ANO3: variants seen among roughly 807,000 people sequenced by gnomAD.
The protein encoded by ANO3 is anoctamin-3.
A neutral mutation model predicts 144.8 loss-of-function variants in ANO3; 99 were observed. The ratio of observed to expected loss-of-function variants is 0.68; its 90% CI spans 0.58 to 0.81. The LOEUF (loss-of-function observed/expected upper bound fraction) is 0.81, where lower values mean the gene tolerates loss of function less well. Ranked by LOEUF, ANO3 falls within the 30% of genes least tolerant of loss-of-function variation. The probability of loss-of-function intolerance (pLI) is 0.00; values close to 1 mark genes in which losing one functional copy is unlikely to be tolerated. For synonymous variants in ANO3, 414 were observed against 392.6 expected (o/e 1.05, Z -0.64); for missense variants, 905 against 1,202.2 (o/e 0.75, Z 3.66).
intron 3 of ANO3, among the ~76,000 whole-genome samples, chr11:26,449,959 T>C (rs1018440846): frequency 6.6e-6 from 1 of 152,062 alleles, no homozygotes; most frequent in Non-Finnish European, 1.5e-5. Flanking sequence ...TTTTACCATG[T>C]TGGGCAGGCT....
chr11:26,524,259 G>T (rs1849106337), intron 6 of ANO3, among the ~76,000 whole-genome samples: 1 of 152,070 alleles, frequency 6.6e-6, no homozygotes, highest in Non-Finnish European at 1.5e-5. Flanking sequence ...AAATAGAGAA[G>T]TATTTAAAGT....
At chr11:26,318,517 T>G (rs1167932292) in intron 1 of ANO3, among the ~76,000 whole-genome samples, 1 of 152,182 alleles carries the variant, frequency 6.6e-6, no homozygotes, top group Admixed American at 6.5e-5. Flanking sequence ...AAACTTAGAA[T>G]AGGACTAATC....
chr11:26,296,907 T>G (rs11029500), intron 1 of ANO3, among the ~76,000 whole-genome samples: 12,930 of 152,170 alleles, frequency 0.085, 1,147 homozygotes, highest in African/African-American at 0.23. Context: ...CACTTCTAGA[T>G]ATCATCCAGA....
chr11:26,571,159 T>C (rs1850809187), intron 14 of ANO3, among the ~76,000 whole-genome samples: 1 of 152,010 alleles, frequency 6.6e-6, no homozygotes, highest in African/African-American at 2.4e-5. Context: ...AACTAATTAG[T>C]GATGAGTGTC....
chr11:26,549,578 A>G (rs937599823), intron 12 of ANO3, among the ~76,000 whole-genome samples: 5 of 151,986 alleles, frequency 3.3e-5, no homozygotes, highest in Non-Finnish European at 7.4e-5. Context: ...TGTCCAACTA[A>G]ATTAAGATCA....
chr11:26,581,534 C>T (rs998415029), intron 14 of ANO3, among the ~76,000 whole-genome samples: 1 of 151,478 alleles, frequency 6.6e-6, no homozygotes, highest in African/African-American at 2.4e-5. Context: ...ACTAAAAATA[C>T]AAAAATTAGC....
intron 1 of ANO3, among the ~76,000 whole-genome samples, chr11:26,256,112 T>C (rs748110565): frequency 3.9e-5 from 6 of 152,166 alleles, no homozygotes; most frequent in Admixed American, 3.9e-4. Context: ...AAACAAATCA[T>C]TGGCTACATT....
chr11:26,498,869 A>G (rs10834983), intron 4 of ANO3, among the ~76,000 whole-genome samples: 90,288 of 151,090 alleles, frequency 0.6, 27,621 homozygotes, highest in Middle Eastern at 0.68. Context: ...GATCATTTTT[A>G]TATCTTTAAG....
intron 18 of ANO3, among the ~76,000 whole-genome samples, chr11:26,629,196 C>T (rs1427393177): frequency 1.3e-5 from 2 of 152,118 alleles, no homozygotes; most frequent in African/African-American, 4.8e-5. Flanking sequence ...GGTAAAGCAA[C>T]TGAATAGCAC....
At chr11:26,270,550 T>C (rs1474747243) in intron 1 of ANO3, among the ~76,000 whole-genome samples, 17 of 152,206 alleles carry the variant, frequency 1.1e-4, no homozygotes, top group Admixed American at 1.1e-3. Context: ...GTTTAGGAGG[T>C]ATTTTCTTAA....
At chr11:26,329,354 T>C (rs1419136056), upstream of ANO3, among the ~76,000 whole-genome samples, 2 of 150,450 alleles carry the variant, frequency 1.3e-5, no homozygotes, top group Non-Finnish European at 3.0e-5. Flanking sequence ...AGAGGAATCT[T>C]TTTCTCTTTG....
intron 1 of ANO3, among the ~76,000 whole-genome samples, chr11:26,387,363 CCTTTT>C (rs1264621174): frequency 6.6e-6 from 1 of 151,890 alleles, no homozygotes; most frequent in African/African-American, 2.4e-5. Context: ...TATTGTGTCA[CCTTTT>C]CTTTTCATCT....
At chr11:26,445,667 T>C (rs1245196534) in intron 3 of ANO3, among the ~76,000 whole-genome samples, 1 of 152,072 alleles carries the variant, frequency 6.6e-6, no homozygotes, top group East Asian at 1.9e-4. Flanking sequence ...TACATACAAA[T>C]GATGAGGTGT....
At chr11:26,488,542 A>C (rs73430205) in intron 4 of ANO3, among the ~76,000 whole-genome samples, 1 of 152,096 alleles carries the variant, frequency 6.6e-6, no homozygotes, top group Non-Finnish European at 1.5e-5. Context: ...ATGCCTCCGG[A>C]CTTTCTTCCT....
At chr11:26,424,498 TAA>T (rs1857861833) in intron 1 of ANO3, among the ~76,000 whole-genome samples, 1 of 152,062 alleles carries the variant, frequency 6.6e-6, no homozygotes, top group South Asian at 2.1e-4. Context: ...CAGGGTATGC[TAA>T]GAGCATTTTA....
intron 1 of ANO3, among the ~76,000 whole-genome samples, chr11:26,353,445 T>G (rs564467008): frequency 6.6e-6 from 1 of 152,346 alleles, no homozygotes; most frequent in African/African-American, 2.4e-5. Context: ...TTTATTCTCC[T>G]GTGACCACAC....
chr11:26,441,717 T>C (rs1056018564), intron 1 of ANO3, among the ~76,000 whole-genome samples: 9 of 152,188 alleles, frequency 5.9e-5, no homozygotes, highest in Non-Finnish European at 1.3e-4. Context: ...ACAGAGATGT[T>C]TATGTCTCAA....
chr11:26,508,064 G>C, intron 4 of ANO3, 40 bp from the exon 5 acceptor site: 1 of 1,548,902 alleles, frequency 6.5e-7, no homozygotes, highest in Non-Finnish European at 8.6e-7. Context: ...ATACATGCTT[G>C]TCTAACCCAC....
chr11:26,419,218 T>C (rs1857682645), intron 1 of ANO3, among the ~76,000 whole-genome samples: 1 of 152,078 alleles, frequency 6.6e-6, no homozygotes, highest in Non-Finnish European at 1.5e-5. Flanking sequence ...ATGAGAACTC[T>C]ATCATGAGAA....
Sources: allele counts gnomAD v4.1 joint callset (sites outside exome capture counted in the v4.1 genomes callset), GRCh38; gene constraint gnomAD v4.1.1; transcripts MANE v1.5; gene names NCBI Gene and HGNC (gene_info 2026-07-23, HGNC 2026-07-21).